The following MAN2A1 variants were observed in gnomAD, a reference collection of about 807,000 sequenced individuals.
MAN2A1 encodes the protein mannosidase alpha class 2A member 1, also known as alpha-mannosidase 2.
In MAN2A1, 76 loss-of-function variants were observed where a neutral mutation model predicts 142.6. The ratio of observed to expected loss-of-function variants is 0.53; its 90% CI spans 0.44 to 0.65. The LOEUF (loss-of-function observed/expected upper bound fraction) is 0.65, where lower values mean the gene tolerates loss of function less well. MAN2A1 is among the 30% of genes least tolerant of loss of function. The pLI, the probability that MAN2A1 is intolerant of heterozygous loss-of-function variation, is 0.00. For missense variants in MAN2A1, 1,311 were observed against 1,365.1 expected (o/e 0.96, Z 0.62); for synonymous variants, 559 against 473.2 (o/e 1.18, Z -2.35).
At chr5:109,848,418 T>C (rs1157149936) in intron 19 of MAN2A1, among the ~76,000 whole-genome samples, 1 of 152,184 alleles carries the variant, frequency 6.6e-6, no homozygotes, top group Non-Finnish European at 1.5e-5. Context: ...GCATGGGCTT[T>C]TTCTTTTTGC....
rs562065168 is a variant in MAN2A1 at position 109,804,602 on chromosome 5, GGA to G, written c.1944-12669_1944-12668del. On this transcript the variant is annotated intron_variant, in intron 12 of 21. Transcript: ENST00000261483. The stretch of plus-strand genomic sequence containing the variant: ...ATCGGTTCATTGGGTTGTATAGTAG[GGA>G]GTCTTTCCTAGGACCAATATTGTTT... Among the ~76,000 whole-genome samples, 441 of 152,142 alleles carry G rather than the reference GGA, an allele frequency of 2.9e-3. 1 individual carries two copies. The highest frequency in any genetic ancestry group is 4.7e-3 in the Non-Finnish European group (321 of 67,980).
chr5:109,749,169 G>C lies in MAN2A1; in HGVS notation c.708-6160G>C, dbSNP rs150560699. On this transcript the variant is annotated intron_variant, in intron 4 of 21. Transcript: ENST00000261483. ...TTTGAAGCTTGCTAAATGATGCATT[G>C]TTTGCTACTAAGTTGTCTGTAACAA... is the stretch of plus-strand genomic sequence containing the variant. Among the ~76,000 whole-genome samples the C allele has an allele frequency of 3.0e-3, 451 of 152,200 alleles. 3 individuals are homozygous for C. Among genetic ancestry groups the C allele is most frequent in the African/African-American group, 0.01 (434 of 41,534 alleles).
intron 5 of MAN2A1, among the ~76,000 whole-genome samples, chr5:109,756,579 A>G (rs1007086879): frequency 6.6e-6 from 1 of 152,116 alleles, no homozygotes; most frequent in Admixed American, 6.5e-5. Context: ...CTTCACCCAG[A>G]TTTACCAGTT....
intron 8 of MAN2A1, among the ~76,000 whole-genome samples, 157 bp downstream of exon 8, chr5:109,775,122 T>G (rs1336977700): frequency 6.6e-6 from 1 of 152,202 alleles, no homozygotes; most frequent in Non-Finnish European, 1.5e-5. Context: ...AAGAAAATTA[T>G]TATATGCTAT....
rs1753501491 is a variant in MAN2A1 at position 109,782,987 on chromosome 5, A to G, written c.1577+1389A>G. 1.3e-5 allele frequency among the ~76,000 whole-genome samples: 2 copies of G among 152,114 alleles called. 1 individual carries two copies. The highest frequency in any genetic ancestry group is 4.1e-4 in the South Asian group (2 of 4,836). On this transcript the variant is annotated intron_variant, in intron 9 of 21. Transcript: ENST00000261483. ...TCTTATTAAATTTAAAATAATGTTTACATATTATAGTGACTATCCATTCTT... is the reference window on the plus strand; with the variant it reads ...TCTTATTAAATTTAAAATAATGTTTGCATATTATAGTGACTATCCATTCTT...
At chr5:109,782,101 A>G (rs984166184) in intron 9 of MAN2A1, among the ~76,000 whole-genome samples, 3 of 152,188 alleles carry the variant, frequency 2.0e-5, no homozygotes, top group African/African-American at 4.8e-5. Flanking sequence ...GTTCTTACAT[A>G]CTTATTTGAA....
chr5:109,819,637 C>T, intron 13 of MAN2A1, 32 bp from the exon 14 acceptor site: 1 of 1,312,250 alleles, frequency 7.6e-7, no homozygotes, highest in Non-Finnish European at 1.1e-6. Context: ...TAACATTTAT[C>T]TTTAATAAAT....
intron 19 of MAN2A1, among the ~76,000 whole-genome samples, chr5:109,851,096 C>T (rs573264802): frequency 6.8e-4 from 103 of 152,110 alleles, no homozygotes; most frequent in Non-Finnish European, 1.3e-3. Flanking sequence ...AAGCCCTGAG[C>T]ATGACAGAGC....
Position 109,729,382 on chromosome 5 carries a change from T to C in MAN2A1, c.576T>C (p.Thr192=), listed in dbSNP as rs772378571. 2 of 1,605,762 alleles carry C rather than the reference T, an allele frequency of 1.2e-6. No individual in the cohort carries two copies. Among genetic ancestry groups the C allele is most frequent in the South Asian group, 1.1e-5 (1 of 89,484 alleles). Residue 192 remains threonine, a synonymous_variant, in exon 4 of 22, where the codon ACT becomes ACC. Coordinates refer to ENST00000261483, the MANE Select transcript of MAN2A1 (RefSeq NM_002372.4). ...KTFNDYFRDK[T]QYIFNNMVLK... ...TCAATGACTACTTTAGAGACAAGAC[T>C]CAGTATATTTTTAATAACATGGTCC...
intron 3 of MAN2A1, among the ~76,000 whole-genome samples, chr5:109,719,604 C>T (rs1372994853): frequency 6.6e-6 from 1 of 152,024 alleles, no homozygotes; most frequent in African/African-American, 2.4e-5. Context: ...GCATTTTCTG[C>T]AGCAACAATT....
chr5:109,690,463 T>G lies in MAN2A1; in HGVS notation c.46T>G (p.Cys16Gly). 4 of 1,614,052 alleles carry G rather than the reference T, an allele frequency of 2.5e-6. No individual in the cohort carries two copies. In the Middle Eastern group the frequency reaches 6.6e-4, roughly 266 times the overall value. ...QFTVFGSAIF[C>G]VVIFSLYLML... ...CACCGTGTTCGGCAGTGCGATCTTCTGTGTGGTGATTTTCTCGCTCTACCT... is the reference window on the plus strand; with the variant it reads ...CACCGTGTTCGGCAGTGCGATCTTCGGTGTGGTGATTTTCTCGCTCTACCT... The change falls in exon 1 of 22, where the codon TGT becomes GGT. Residue 16 changes from cysteine to glycine, a missense_variant. Coordinates refer to ENST00000261483, the MANE Select transcript of MAN2A1 (RefSeq NM_002372.4).
chr5:109,749,598 C>T (rs563352702), intron 4 of MAN2A1, among the ~76,000 whole-genome samples: 4 of 151,956 alleles, frequency 2.6e-5, no homozygotes, highest in African/African-American at 7.2e-5. Flanking sequence ...ACCCAATATC[C>T]TTTCACTTTG....
intron 4 of MAN2A1, among the ~76,000 whole-genome samples, chr5:109,748,046 T>A (rs1002831337): frequency 7.9e-5 from 12 of 152,234 alleles, no homozygotes; most frequent in Non-Finnish European, 1.6e-4. Context: ...ACTTGTTATT[T>A]AACTACTCCC....
chr5:109,830,070 C>G (rs779203080), intron 16 of MAN2A1, among the ~76,000 whole-genome samples: 2 of 152,148 alleles, frequency 1.3e-5, no homozygotes, highest in Admixed American at 1.3e-4. Context: ...GATAGGGGCT[C>G]TTATCAAATC....
At chr5:109,848,713 C>T (rs1755403847) in intron 19 of MAN2A1, among the ~76,000 whole-genome samples, 1 of 152,182 alleles carries the variant, frequency 6.6e-6, no homozygotes. Flanking sequence ...TTCTCCCTTG[C>T]TCCTCATATC....
intron 17 of MAN2A1, among the ~76,000 whole-genome samples, chr5:109,842,996 C>T (rs901336110): frequency 2.0e-5 from 3 of 151,574 alleles, no homozygotes; most frequent in Non-Finnish European, 2.9e-5. Flanking sequence ...AGCAGAGACA[C>T]GGTTTCACCA....
intron 5 of MAN2A1, among the ~76,000 whole-genome samples, chr5:109,764,652 A>AT (rs1752942711): frequency 6.6e-6 from 1 of 152,090 alleles, no homozygotes; most frequent in Non-Finnish European, 1.5e-5. Context: ...TCTTTATTCC[A>AT]TTGCAGCTAG....
At position 109,777,192 on chromosome 5, in the gene MAN2A1, A is replaced by G. The variant is rs922364929; in HGVS notation, c.1374+2227A>G. Among the ~76,000 whole-genome samples, 9 of 152,200 alleles carry G rather than the reference A, an allele frequency of 5.9e-5. No individual in the cohort carries two copies. In the East Asian group the frequency reaches 9.6e-4, roughly 16 times the overall value. ...AAACTGTTCCAAAATAGATGCATCA[A>G]TTGTGTTGTACAAGAGGTTCAGTTG... On this transcript the variant is annotated intron_variant, in intron 8 of 21. Transcript: ENST00000261483.
intron 4 of MAN2A1, among the ~76,000 whole-genome samples, chr5:109,734,259 CTTT>C (rs1752014917): frequency 6.8e-6 from 1 of 146,906 alleles, no homozygotes; most frequent in Non-Finnish European, 1.5e-5. Flanking sequence ...CTCTTTTCTT[CTTT>C]ATTAGTCTTG....
Sources: gnomAD v4.1 joint callset for allele counts (sites outside exome capture counted in the v4.1 genomes callset) on GRCh38, gnomAD v4.1.1 for gene constraint, MANE v1.5 for transcripts, NCBI Gene and HGNC (gene_info 2026-07-23, HGNC 2026-07-21) for gene names.